Variants in PNPT1 observed in about 807,000 individuals in gnomAD.
The protein encoded by PNPT1 is polyribonucleotide nucleotidyltransferase 1.
Under a neutral mutation model 119.5 loss-of-function variants are expected in PNPT1, and 53 were observed. The ratio of observed to expected loss-of-function variants is 0.44; its 90% CI spans 0.36 to 0.56. The LOEUF (loss-of-function observed/expected upper bound fraction) is 0.56, where lower values mean the gene tolerates loss of function less well. PNPT1 is among the 20% of genes least tolerant of loss of function. The pLI is 0.00. For missense variants in PNPT1, 948 were observed against 938.5 expected, an observed-to-expected ratio of 1.01 and a Z score of -0.13; for synonymous variants, 357 against 322.1, an observed-to-expected ratio of 1.11 and a Z score of -1.16.
intron 11 of PNPT1, 51 bp from the exon 12 acceptor site, chr2:55,668,009 AG>A: frequency 1.4e-6 from 2 of 1,467,184 alleles, no homozygotes; most frequent in South Asian, 2.5e-5. Flanking sequence ...TTTAGGAGAT[AG>A]GATTTCTCTA....
intron 26 of PNPT1, 87 bp from the exon 27 acceptor site, chr2:55,637,686 A>G (rs1285652583): frequency 4.3e-6 from 5 of 1,173,184 alleles, no homozygotes; most frequent in Admixed American, 1.9e-5. Context: ...AAGCTTTATT[A>G]GTTTTTCTGA....
chr2:55,645,385 G>T lies in PNPT1; in HGVS notation c.1786C>A (p.Pro596Thr). 6.2e-7 allele frequency: 1 copy of T among 1,612,348 alleles called. No homozygotes were observed. The highest frequency in any genetic ancestry group is 8.5e-7 in the Non-Finnish European group (1 of 1,178,752). Residue 596 changes from proline to threonine, a missense_variant, in exon 22 of 28, where the codon CCT (proline) becomes ACT (threonine). Coordinates refer to ENST00000447944, the MANE Select transcript of PNPT1 (RefSeq NM_033109.5). ...CCATTTTCTTTTCTAGATGCTCGAG[G>T]TTTTGAAATAGTTTTGTTCATGATC... ...LQIMNKTISKPRASRKENGPV... is the reference protein window; with the variant it reads ...LQIMNKTISKTRASRKENGPV...
chr2:55,640,632 G>A lies in PNPT1; in HGVS notation c.2143C>T (p.Arg715Ter). The change falls in exon 26 of 28, where the codon CGA becomes TGA. Residue 715 changes from arginine (R) to a stop codon, truncating the protein, a stop_gained. Coordinates refer to ENST00000447944, the MANE Select transcript of PNPT1 (RefSeq NM_033109.5). LOFTEE classifies it high-confidence loss of function. ...VLLHNTQLDQ[R>*]KIKHPTALGL... ...AATAACATCTGTCTTTTTACCTTTC[G>A]TTGATCAAGTTGTGTGTTATGAAGC... The A allele has an allele frequency of 1.9e-6, 3 of 1,579,656 alleles. No homozygotes were observed. The highest frequency in any genetic ancestry group is 2.6e-6 in the Non-Finnish European group (3 of 1,150,076).
intron 1 of PNPT1, among the ~76,000 whole-genome samples, chr2:55,688,583 G>C (rs1343960516): frequency 6.6e-6 from 1 of 151,990 alleles, no homozygotes; most frequent in Non-Finnish European, 1.5e-5. Context: ...AAATTAGCTG[G>C]GCATGGTGTT....
rs1695762803 is a variant in PNPT1, at chr2:55,639,086, T to C, written c.2149-1487A>G. 2.0e-5 allele frequency among the ~76,000 whole-genome samples: 3 copies of C among 152,188 alleles called. No individual in the cohort carries two copies. The East Asian group carries it at 5.8e-4, about 29-fold the overall frequency. On this transcript the variant is annotated intron_variant, in intron 26 of 27. Coordinates refer to ENST00000447944, the MANE Select transcript of PNPT1 (RefSeq NM_033109.5). Reference sequence around the variant, plus strand: ...CCACTGCACCTGGCCCAAGGACATCTTTTCATATCAATAAATTAAGAATTA... The same window carrying C: ...CCACTGCACCTGGCCCAAGGACATCCTTTCATATCAATAAATTAAGAATTA...
In PNPT1 at chr2:55,672,999, G is replaced by T. The variant is rs778100619; in HGVS notation, c.760C>A (p.Gln254Lys). 2 of 1,613,132 alleles carry T rather than the reference G, an allele frequency of 1.2e-6. No individual in the cohort carries two copies. Among genetic ancestry groups the T allele is most frequent in the Non-Finnish European group, 1.7e-6 (2 of 1,179,792 alleles). ...AACTGCTGAATGCCCTGAATTATTT[G>T]TTGGGTATATTTCACTCCCACTTTG... is the stretch of plus-strand genomic sequence containing the variant. ...AIKVGVKYTQ[Q>K]IIQGIQQLVK... The change falls in exon 9 of 28, where the codon CAA (glutamine) becomes AAA (lysine). Residue 254 changes from glutamine to lysine, a missense_variant. Transcript: ENST00000447944.
At position 55,656,153 on chromosome 2, in the gene PNPT1, T is replaced by A; in HGVS notation, c.1419A>T (p.Thr473=). ...PRDFPFTIRV[T]SEVLESNGSS... ...TACCATTTGACTCTAGGACTTCAGA[T>A]GTAACTCTTATGGTGAAAGGAAAAT... Residue 473 remains threonine (T), a synonymous_variant, in exon 17 of 28, where the codon ACA becomes ACT. Transcript: ENST00000447944. The A allele has an allele frequency of 6.2e-7, 1 of 1,613,430 alleles. No homozygotes were observed. Among genetic ancestry groups the A allele is most frequent in the Non-Finnish European group, 8.5e-7 (1 of 1,179,632 alleles).
intron 18 of PNPT1, among the ~76,000 whole-genome samples, chr2:55,652,364 AT>A (rs1280519196): frequency 6.6e-6 from 1 of 152,222 alleles, no homozygotes; most frequent in East Asian, 1.9e-4. Flanking sequence ...ATCAAATTTA[AT>A]TTTTTTGAGG....
At chr2:55,660,605 A>G (rs1005797174) in intron 14 of PNPT1, among the ~76,000 whole-genome samples, 1 of 152,222 alleles carries the variant, frequency 6.6e-6, no homozygotes, top group Non-Finnish European at 1.5e-5. Context: ...AATCTGCATG[A>G]TCATAAACTG....
intron 8 of PNPT1, among the ~76,000 whole-genome samples, chr2:55,676,450 A>G (rs1697075024): frequency 6.6e-6 from 1 of 152,180 alleles, no homozygotes; most frequent in Non-Finnish European, 1.5e-5. Flanking sequence ...AGTGATATTA[A>G]ATATACCAGT....
At chr2:55,641,283 A>ATTT (rs10713596) in intron 25 of PNPT1, among the ~76,000 whole-genome samples, 1 of 100,130 alleles carries the variant, frequency 1.0e-5, no homozygotes, top group Non-Finnish European at 2.0e-5. Flanking sequence ...TTCCAAAAAC[A>ATTT]TTTTTTTTTT....
chr2:55,637,656 G>T, intron 26 of PNPT1, 57 bp from the exon 27 acceptor site: 2 of 1,367,316 alleles, frequency 1.5e-6, no homozygotes, highest in Non-Finnish European at 2.1e-6. Flanking sequence ...AGTGTCCATG[G>T]AAGTACACAT....
At chr2:55,688,742 AAACAAC>A (rs763018631) in intron 1 of PNPT1, among the ~76,000 whole-genome samples, 6 of 151,956 alleles carry the variant, frequency 3.9e-5, no homozygotes, top group Non-Finnish European at 7.4e-5. Flanking sequence ...AAACAAAACA[AAACAAC>A]AACAACAACA....
rs1481728102 is a variant in PNPT1, at chr2:55,671,310, A to C, written c.976+9T>G. ...GCAAAAAAATAAAATAAAATAAAAT[A>C]AAATTTACCTTTTAGTTGTTCCTCC... On this transcript the variant is annotated intron_variant, in intron 11 of 27. Coordinates refer to ENST00000447944, the MANE Select transcript of PNPT1 (RefSeq NM_033109.5). 2 of 1,447,142 alleles carry C rather than the reference A, an allele frequency of 1.4e-6. No individual in the cohort carries two copies. Among genetic ancestry groups the C allele is most frequent in the Non-Finnish European group, 1.9e-6 (2 of 1,071,712 alleles). 89.6% of individuals were successfully genotyped at this position (1,447,142 alleles called of 1,614,324 possible). A position where few individuals can be genotyped will look rare whatever the true frequency, so the allele number is the denominator to read the frequency against.
intron 1 of PNPT1, among the ~76,000 whole-genome samples, chr2:55,690,706 A>T (rs535272004): frequency 4.5e-4 from 68 of 152,164 alleles, no homozygotes; most frequent in African/African-American, 8.2e-4. Flanking sequence ...GTTTTTTTTT[A>T]AAATCAGGGA....
chr2:55,661,174 C>A (rs1696559970), intron 14 of PNPT1, among the ~76,000 whole-genome samples: 1 of 149,192 alleles, frequency 6.7e-6, no homozygotes, highest in Admixed American at 6.8e-5. Flanking sequence ...CTCACTGCAA[C>A]CTCCACCTCC....
chr2:55,661,871 C>A, intron 14 of PNPT1, 85 bp downstream of exon 14: 2 of 1,233,688 alleles, frequency 1.6e-6, no homozygotes, highest in Non-Finnish European at 2.2e-6. Flanking sequence ...AAAAAAGTAA[C>A]AATAATTAAT....
Position 55,637,583 on chromosome 2 carries a change from G to A in PNPT1, c.2165C>T (p.Ala722Val). The A allele has an allele frequency of 6.2e-7, 1 of 1,604,568 alleles. No homozygotes were observed. The highest frequency in any genetic ancestry group is 1.1e-5 in the South Asian group (1 of 90,894). The change falls in exon 27 of 28, where the codon GCC becomes GTC. Residue 722 changes from alanine (A) to valine (V), a missense_variant. Transcript: ENST00000447944. ...LDQRKIKHPT[A>V]LGLEVGQEIQ... ...TTCTTGGCCAACTTCTAATCCTAGG[G>A]CAGTAGGATGTTTAATCTGGAAAAA... is the stretch of plus-strand genomic sequence containing the variant.
At chr2:55,649,061 T>C (rs552482748) in intron 18 of PNPT1, among the ~76,000 whole-genome samples, 5 of 152,304 alleles carry the variant, frequency 3.3e-5, no homozygotes, top group East Asian at 3.9e-4. Flanking sequence ...CCTGTCCAGC[T>C]ATCTGTGCCA....
Sources: allele counts gnomAD v4.1 joint callset (sites outside exome capture counted in the v4.1 genomes callset), GRCh38; gene constraint gnomAD v4.1.1; transcripts MANE v1.5; gene names NCBI Gene and HGNC (gene_info 2026-07-23, HGNC 2026-07-21).